Variants in FSD2 observed in about 807,000 individuals in gnomAD.
FSD2 encodes fibronectin type III and SPRY domain-containing protein 2.
Under a neutral mutation model 80.4 loss-of-function variants are expected in FSD2, and 71 were observed. The observed-to-expected ratio is 0.88, with a 90% CI of 0.73 to 1.08. The LOEUF is 1.08. Ranked by LOEUF, FSD2 falls within the 50% of genes least tolerant of loss-of-function variation. The pLI, the probability that FSD2 is intolerant of heterozygous loss-of-function variation, is 0.00. For synonymous variants in FSD2, 361 were observed against 329.5 expected (o/e 1.10, Z -1.03); for missense variants, 923 against 913.8 (o/e 1.01, Z -0.13).
At chr15:82,799,547 G>T (rs2050361265) in intron 1 of FSD2, among the ~76,000 whole-genome samples, 1 of 152,150 alleles carries the variant, frequency 6.6e-6, no homozygotes, top group Non-Finnish European at 1.5e-5. Flanking sequence ...AGGCTCAGAG[G>T]TGCAGCTGCT....
At chr15:82,794,732 T>C (rs1426950271) in intron 1 of FSD2, among the ~76,000 whole-genome samples, 2 of 151,108 alleles carry the variant, frequency 1.3e-5, no homozygotes, top group Non-Finnish European at 3.0e-5. Flanking sequence ...TTTTCTTTTT[T>C]TTTTTTTTTT....
At position 82,786,712 on chromosome 15, in the gene FSD2, G is replaced by A. The variant is rs772027724; in HGVS notation, c.639+40C>T. ...CTGCGTATGTACTTGAGATACCAAA[G>A]CAATATCAAGACAGAGAAGAACCAA... On this transcript the variant is annotated intron_variant, in intron 2 of 12. Coordinates refer to ENST00000334574, the MANE Select transcript of FSD2 (RefSeq NM_001007122.4). 9.3e-6 allele frequency: 15 copies of A among 1,609,140 alleles called. No individual in the cohort carries two copies. The African/African-American group carries it at 1.6e-4, about 17-fold the overall frequency.
chr15:82,787,126 C>A lies in FSD2; in HGVS notation c.265G>T (p.Glu89Ter), dbSNP rs2050020420. The A allele has an allele frequency of 1.2e-6, 2 of 1,614,016 alleles. No individual in the cohort carries two copies. Among genetic ancestry groups the A allele is most frequent in the Non-Finnish European group, 1.7e-6 (2 of 1,179,900 alleles). The change falls in exon 2 of 13, where the codon GAG becomes TAG. Residue 89 changes from glutamate to a stop codon, truncating the protein, a stop_gained. Transcript: ENST00000334574. LOFTEE classifies it high-confidence loss of function. ...GLEDDHELGD[E>*]FVDENIPRTG... is the part of the protein sequence containing the mutation. ...CTGGGTATGTTTTCATCAACAAACT[C>A]ATCCCCTAATTCATGATCATCTTCA...
intron 9 of FSD2, among the ~76,000 whole-genome samples, chr15:82,766,649 G>A (rs2049429266): frequency 2.6e-5 from 4 of 151,728 alleles, no homozygotes; most frequent in Admixed American, 2.6e-4. Context: ...GGCTGAGGCA[G>A]GAGAATTGCT....
intron 1 of FSD2, among the ~76,000 whole-genome samples, chr15:82,790,798 G>C (rs1325553865): frequency 6.7e-6 from 1 of 148,392 alleles, no homozygotes; most frequent in African/African-American, 2.5e-5. Flanking sequence ...TGTTAGCCAG[G>C]ATGGTCTCGA....
intron 9 of FSD2, among the ~76,000 whole-genome samples, chr15:82,766,603 G>A (rs932662506): frequency 6.6e-6 from 1 of 152,056 alleles, no homozygotes; most frequent in Admixed American, 6.6e-5. Context: ...TTAACCGAGT[G>A]TGGTGGCAGG....
intron 12 of FSD2, among the ~76,000 whole-genome samples, chr15:82,761,377 CCA>C (rs2049292828): frequency 6.6e-6 from 1 of 152,252 alleles, no homozygotes; most frequent in Admixed American, 6.5e-5. Flanking sequence ...TGGAACTACT[CCA>C]TGTGTAAAGA....
chr15:82,768,780 A>G, intron 9 of FSD2, 100 bp downstream of exon 9: 18 of 1,178,558 alleles, frequency 1.5e-5, no homozygotes, highest in Non-Finnish European at 1.7e-5. Context: ...CTGTGTATCA[A>G]AAATGCCAAC....
At chr15:82,796,138 A>T (rs1475408777) in intron 1 of FSD2, 1 of 151,196 alleles carries the variant, frequency 6.6e-6, no homozygotes, top group African/African-American at 2.4e-5. Flanking sequence ...AGTAGCTGGG[A>T]TTACAGGCAT....
intron 4 of FSD2, among the ~76,000 whole-genome samples, chr15:82,782,104 T>TAATAATAAAAAA (rs749972634): frequency 2.9e-4 from 35 of 118,942 alleles, no homozygotes; most frequent in African/African-American, 8.0e-4. Flanking sequence ...ATAATAATAA[T>TAATAATAAAAAA]AAAACTCTTG....
chr15:82,800,256 C>A (rs1297025035), intron 1 of FSD2, among the ~76,000 whole-genome samples: 1 of 152,172 alleles, frequency 6.6e-6, no homozygotes, highest in Non-Finnish European at 1.5e-5. Context: ...TTTTGTCCTG[C>A]AAGCACAGGA....
intron 4 of FSD2, among the ~76,000 whole-genome samples, chr15:82,782,123 T>C (rs1439999439): frequency 7.6e-6 from 1 of 131,676 alleles, no homozygotes; most frequent in Non-Finnish European, 1.6e-5. Flanking sequence ...TGGCCGGGCA[T>C]GGTGGCTCAC....
chr15:82,772,126 T>C lies in FSD2; in HGVS notation c.1214A>G (p.Tyr405Cys), dbSNP rs1273520207. Residue 405 changes from tyrosine (Y) to cysteine (C), a missense_variant, in exon 7 of 13, where the codon TAT becomes TGT. Transcript: ENST00000334574. ...CTGCACTGGCCGGTAGGACAGCTGA[T>C]AGCTCTCCACAGTGTCGTCGGAGTA... The part of the protein sequence containing the change: ...SLYSDDTVES[Y>C]QLSYRPVQDS... The C allele has an allele frequency of 6.2e-7, 1 of 1,608,524 alleles. No individual in the cohort carries two copies. The highest frequency in any genetic ancestry group is 8.5e-7 in the Non-Finnish European group (1 of 1,177,938).
intron 1 of FSD2, among the ~76,000 whole-genome samples, chr15:82,794,977 G>C (rs1212985298): frequency 6.6e-6 from 1 of 152,110 alleles, no homozygotes; most frequent in African/African-American, 2.4e-5. Context: ...GCCCGCCTGG[G>C]CCTCCCAAAG....
intron 6 of FSD2, among the ~76,000 whole-genome samples, chr15:82,778,002 G>A (rs959056480): frequency 2.3e-4 from 34 of 150,544 alleles, no homozygotes; most frequent in Admixed American, 7.3e-4. Context: ...TGGTTGTGGT[G>A]GTGTGTGCCT....
At chr15:82,791,960 C>CCT (rs1171797291) in intron 1 of FSD2, among the ~76,000 whole-genome samples, 1 of 152,168 alleles carries the variant, frequency 6.6e-6, no homozygotes, top group Admixed American at 6.5e-5. Context: ...TATGGATATG[C>CCT]CATATTTTGT....
chr15:82,797,448 A>T (rs2050303265), intron 1 of FSD2, among the ~76,000 whole-genome samples: 1 of 152,262 alleles, frequency 6.6e-6, no homozygotes, highest in Non-Finnish European at 1.5e-5. Context: ...CAATGGATAC[A>T]CAAATAAACT....
At chr15:82,802,625 G>A (rs1596268856) in intron 1 of FSD2, among the ~76,000 whole-genome samples, 1 of 152,120 alleles carries the variant, frequency 6.6e-6, no homozygotes, top group African/African-American at 2.4e-5. Context: ...AGTACCTCTG[G>A]AAATAGAACC....
chr15:82,776,013 A>G (rs1000819479), intron 6 of FSD2, among the ~76,000 whole-genome samples: 1 of 152,174 alleles, frequency 6.6e-6, no homozygotes, highest in Non-Finnish European at 1.5e-5. Flanking sequence ...GGCCAGGCAG[A>G]GTGACTCAGG....
Sources: allele counts gnomAD v4.1 joint callset (sites outside exome capture counted in the v4.1 genomes callset), GRCh38; gene constraint gnomAD v4.1.1; transcripts MANE v1.5; gene names NCBI Gene and HGNC (gene_info 2026-07-23, HGNC 2026-07-21).